The following ARHGEF28 variants were observed in gnomAD, a reference collection of about 807,000 sequenced individuals.
ARHGEF28 encodes the protein Rho guanine nucleotide exchange factor 28, also known as 190 kDa guanine nucleotide exchange factor.
In ARHGEF28, 152 loss-of-function variants were observed where a neutral mutation model predicts 206.6. That is an observed-to-expected ratio of 0.74 (90% CI 0.64 to 0.84). The LOEUF (loss-of-function observed/expected upper bound fraction) is 0.84. Among genes scored for constraint, ARHGEF28 ranks in the 40% least tolerant of loss-of-function variants. The pLI, the probability that ARHGEF28 is intolerant of heterozygous loss-of-function variation, is 0.00. For missense variants in ARHGEF28, 2,028 were observed against 2,073.2 expected (o/e 0.98, Z 0.42); for synonymous variants, 763 against 776.4 (o/e 0.98, Z 0.29).
intron 29 of ARHGEF28, among the ~76,000 whole-genome samples, chr5:73,897,190 A>G (rs1263283790): frequency 6.6e-6 from 1 of 152,112 alleles, no homozygotes; most frequent in Non-Finnish European, 1.5e-5. Flanking sequence ...CCGAATCCTA[A>G]TAGATAATAG....
chr5:73,852,797 A>G, intron 14 of ARHGEF28, 105 bp downstream of exon 14: 2 of 1,231,258 alleles, frequency 1.6e-6, no homozygotes, highest in Non-Finnish European at 2.4e-6. Context: ...AGAGGTTTCC[A>G]TGTAACAAGC....
intron 26 of ARHGEF28, among the ~76,000 whole-genome samples, chr5:73,891,477 T>A (rs1181668533): frequency 6.6e-6 from 1 of 152,160 alleles, no homozygotes; most frequent in Non-Finnish European, 1.5e-5. Context: ...TATGGCATTT[T>A]GATATTTTTC....
chr5:73,801,452 AT>A (rs137966057), intron 9 of ARHGEF28, among the ~76,000 whole-genome samples: 7 of 151,852 alleles, frequency 4.6e-5, no homozygotes, highest in African/African-American at 1.7e-4. Context: ...ATCTCAAAAA[AT>A]AAAAAAAATA....
At chr5:73,930,977 T>C (rs1018308778) in intron 35 of ARHGEF28, among the ~76,000 whole-genome samples, 2 of 152,182 alleles carry the variant, frequency 1.3e-5, no homozygotes, top group African/African-American at 4.8e-5. Flanking sequence ...TTCCCCTTTA[T>C]AGTATTTTCC....
At chr5:73,861,920 G>A (rs1380605323) in intron 16 of ARHGEF28, among the ~76,000 whole-genome samples, 2 of 152,028 alleles carry the variant, frequency 1.3e-5, no homozygotes, top group Admixed American at 6.5e-5. Flanking sequence ...TTTACATGGA[G>A]CAATACCAAT....
intron 21 of ARHGEF28, among the ~76,000 whole-genome samples, chr5:73,871,582 C>G (rs1039539269): frequency 6.6e-6 from 1 of 152,152 alleles, no homozygotes; most frequent in African/African-American, 2.4e-5. Context: ...TTGTTATTTT[C>G]TCTCCTGATG....
chr5:73,855,486 C>G lies in ARHGEF28; in HGVS notation c.1791-2170C>G, dbSNP rs559392682. 7.9e-5 allele frequency among the ~76,000 whole-genome samples: 12 copies of G among 152,232 alleles called. No individual in the cohort carries two copies. In the South Asian group the frequency reaches 2.3e-3, roughly 29 times the overall value. On this transcript the variant is annotated intron_variant, in intron 14 of 35. Coordinates refer to ENST00000513042, the MANE Select transcript of ARHGEF28 (RefSeq NM_001177693.2). ...GTGGCTCACGTTTTTAATCCCAGCACTTTGGGAGGCCGAGGTGGGTGAATC... is the reference window on the plus strand; with the variant it reads ...GTGGCTCACGTTTTTAATCCCAGCAGTTTGGGAGGCCGAGGTGGGTGAATC...
At chr5:73,719,282 G>T (rs1449710928) in intron 2 of ARHGEF28, among the ~76,000 whole-genome samples, 1 of 152,080 alleles carries the variant, frequency 6.6e-6, no homozygotes, top group African/African-American at 2.4e-5. Context: ...ATGGTGGCAG[G>T]CACCTGTAGT....
At chr5:73,715,204 A>C (rs1424041529) in intron 2 of ARHGEF28, among the ~76,000 whole-genome samples, 2 of 152,162 alleles carry the variant, frequency 1.3e-5, no homozygotes, top group Non-Finnish European at 2.9e-5. Context: ...GAACAACAGA[A>C]AGTCACCGGA....
chr5:73,649,044 G>A (rs530445638), intron 1 of ARHGEF28, among the ~76,000 whole-genome samples: 1 of 152,306 alleles, frequency 6.6e-6, no homozygotes, highest in South Asian at 2.1e-4. Context: ...AGGTCTTTAT[G>A]TGTGTTACTC....
chr5:73,868,732 G>A (rs1041681964), intron 20 of ARHGEF28, among the ~76,000 whole-genome samples: 10 of 151,788 alleles, frequency 6.6e-5, no homozygotes, highest in African/African-American at 1.9e-4. Flanking sequence ...TTGCAACCTC[G>A]AGCTCCCAGG....
Position 73,873,201 on chromosome 5 carries a change from C to G in ARHGEF28, c.2769C>G (p.Asp923Glu), listed in dbSNP as rs1305118150. The change falls in exon 22 of 36, where the codon GAC (aspartate) becomes GAG (glutamate). Residue 923 changes from aspartate (D) to glutamate (E), a missense_variant. By Grantham distance (45) the Asp-to-Glu change is conservative (BLOSUM62 2). Around this residue, in one of 3 missense-constraint regions of ARHGEF28, gnomAD observed 223 missense variants for 289.9 expected, o/e 0.77. Coordinates refer to ENST00000513042, the MANE Select transcript of ARHGEF28 (RefSeq NM_001177693.2). ...ERRQESCAGS[D>E]RNFVIDRIGD... ...GGCAGGAATCCTGTGCTGGCAGCGACAGGAATTTTGTGATCGACCGAATTG... is the reference window on the plus strand; with the variant it reads ...GGCAGGAATCCTGTGCTGGCAGCGAGAGGAATTTTGTGATCGACCGAATTG... 1 of 1,612,000 alleles carries G rather than the reference C, an allele frequency of 6.2e-7. No individual in the cohort carries two copies. Among genetic ancestry groups the G allele is most frequent in the Non-Finnish European group, 8.5e-7 (1 of 1,179,160 alleles).
intron 35 of ARHGEF28, among the ~76,000 whole-genome samples, chr5:73,921,609 G>C (rs1316949236): frequency 6.6e-6 from 1 of 152,192 alleles, no homozygotes; most frequent in Non-Finnish European, 1.5e-5. Flanking sequence ...TCATAGTAAG[G>C]CTGTTCAAAT....
rs1753337987 is a variant in ARHGEF28, at chr5:73,773,357, C to A, written c.476-498C>A. 3.3e-5 allele frequency among the ~76,000 whole-genome samples: 5 copies of A among 152,276 alleles called. No individual in the cohort carries two copies. In the South Asian group the frequency reaches 1.0e-3, roughly 32 times the overall value. On this transcript the variant is annotated intron_variant, in intron 4 of 35. Transcript: ENST00000513042. ...ACTGCTGTGAAGTTTGAGAATGACC[C>A]ATATGAAGCCATTTCTCTTGCGGCT...
chr5:73,791,785 A>T (rs368722913), intron 7 of ARHGEF28, among the ~76,000 whole-genome samples: 244 of 152,148 alleles, frequency 1.6e-3, no homozygotes, highest in African/African-American at 5.6e-3. Context: ...GTTTGGCAAT[A>T]ACAAAAACCA....
chr5:73,780,514 G>C (rs1321706087), intron 6 of ARHGEF28, 162 bp from the exon 7 acceptor site: 3 of 650,830 alleles, frequency 4.6e-6, no homozygotes, highest in Non-Finnish European at 5.2e-6. Context: ...CTCCTGCTGG[G>C]GTGCTGGCTA....
At chr5:73,682,454 A>G (rs924899669) in intron 1 of ARHGEF28, among the ~76,000 whole-genome samples, 3 of 134,210 alleles carry the variant, frequency 2.2e-5, no homozygotes, top group Non-Finnish European at 1.6e-5. Flanking sequence ...TTTCACTCTT[A>G]TTGCCCAGGC....
chr5:73,677,451 T>C (rs1174436061), intron 1 of ARHGEF28, among the ~76,000 whole-genome samples: 1 of 152,218 alleles, frequency 6.6e-6, no homozygotes, highest in African/African-American at 2.4e-5. Context: ...AAAATTAAAG[T>C]GATAGGTTTT....
At chr5:73,923,344 A>G (rs902943329) in intron 35 of ARHGEF28, among the ~76,000 whole-genome samples, 3 of 152,222 alleles carry the variant, frequency 2.0e-5, no homozygotes, top group African/African-American at 7.2e-5. Context: ...TGAGCTGGCT[A>G]TGAGTCCGTT....
Sources: allele counts gnomAD v4.1 joint callset (sites outside exome capture counted in the v4.1 genomes callset), GRCh38; gene constraint gnomAD v4.1.1; regional missense constraint gnomAD v4.1.1; transcripts MANE v1.5; gene names NCBI Gene and HGNC (gene_info 2026-07-23, HGNC 2026-07-21).